The following FREM1 variants were observed in gnomAD, a reference collection of about 807,000 sequenced individuals.
The protein encoded by FREM1 is FRAS1-related extracellular matrix protein 1.
Under a neutral mutation model 210.1 loss-of-function variants are expected in FREM1, and 220 were observed. The ratio of observed to expected loss-of-function variants is 1.05; its 90% confidence interval spans 0.94 to 1.17. The LOEUF (loss-of-function observed/expected upper bound fraction) is 1.17. Ranked by LOEUF, FREM1 falls within the 50% of genes most tolerant of loss-of-function variation. The pLI is 0.00. For missense variants in FREM1, 3,454 were observed against 2,675.5 expected (o/e 1.29, Z -6.42); for synonymous variants, 1,189 against 980.2 (o/e 1.21, Z -3.98).
chr9:14,867,230 C>T (rs1831694939), intron 2 of FREM1, among the ~76,000 whole-genome samples: 1 of 152,146 alleles, frequency 6.6e-6, no homozygotes, highest in Non-Finnish European at 1.5e-5. Context: ...ATTTGTATTG[C>T]TTCCTCATCC....
At chr9:14,903,851 G>A (rs958312270) in intron 1 of FREM1, among the ~76,000 whole-genome samples, 7 of 152,160 alleles carry the variant, frequency 4.6e-5, no homozygotes, top group African/African-American at 1.7e-4. Context: ...GCCGGGTGCG[G>A]TGGCTCAAGC....
intron 24 of FREM1, among the ~76,000 whole-genome samples, chr9:14,780,594 A>G (rs1849508746): frequency 6.6e-6 from 1 of 152,154 alleles, no homozygotes; most frequent in African/African-American, 2.4e-5. Flanking sequence ...AGCAGCACCA[A>G]ACAATGCAGG....
Position 14,805,110 on chromosome 9 carries a change from T to G in FREM1, c.3317A>C (p.Tyr1106Ser). 2 of 1,600,708 alleles carry G rather than the reference T, an allele frequency of 1.2e-6. No homozygotes were observed. Among genetic ancestry groups the G allele is most frequent in the Non-Finnish European group, 1.7e-6 (2 of 1,171,704 alleles). The change falls in exon 19 of 37, where the codon TAT becomes TCT. Residue 1106 changes from tyrosine to serine, a missense_variant. Tyr to Ser is a moderately radical substitution (Grantham distance 144, BLOSUM62 -2). Coordinates refer to ENST00000380880, the MANE Select transcript of FREM1 (RefSeq NM_001379081.2). ...WKDMNAFHINYVQSRHLRIEP... is the reference protein window; with the variant it reads ...WKDMNAFHINSVQSRHLRIEP... ...TATCCTCAGATGCCTGGACTGCACATAGTTAATGTGAAAAGCGTTCATGTC... is the reference window on the plus strand; with the variant it reads ...TATCCTCAGATGCCTGGACTGCACAGAGTTAATGTGAAAAGCGTTCATGTC...
Position 14,824,967 on chromosome 9 carries a change from A to G in FREM1, c.1907T>C (p.Val636Ala). ...AGCCTCTTTTGGAAGCTGGTCATCC[A>G]CTGGAGTTATATGGATTGTTGCCAC... ...PQVATIHITP[V>A]DDQLPKEAPG... Residue 636 changes from valine to alanine, a missense_variant, in exon 11 of 37, where the codon GTG becomes GCG. Coordinates refer to ENST00000380880, the MANE Select transcript of FREM1 (RefSeq NM_001379081.2). 6.2e-7 allele frequency: 1 copy of G among 1,600,580 alleles called. No individual in the cohort carries two copies.
chr9:14,866,849 CAG>C (rs1372476965), intron 2 of FREM1, among the ~76,000 whole-genome samples: 5 of 151,960 alleles, frequency 3.3e-5, no homozygotes, highest in African/African-American at 1.2e-4. Flanking sequence ...CAAAACTCTA[CAG>C]GCTGCATTTT....
intron 3 of FREM1, among the ~76,000 whole-genome samples, chr9:14,859,718 C>T (rs774536615): frequency 3.3e-5 from 5 of 152,172 alleles, no homozygotes; most frequent in Non-Finnish European, 5.9e-5. Flanking sequence ...TCTTTCAACA[C>T]CTGCTCTCAA....
chr9:14,900,888 C>A (rs2132598464), intron 1 of FREM1, among the ~76,000 whole-genome samples: 1 of 152,278 alleles, frequency 6.6e-6, no homozygotes, highest in South Asian at 2.1e-4. Flanking sequence ...CTTGCACATC[C>A]CTTCCCCAAC....
intron 32 of FREM1, 21 bp from the exon 33 acceptor site, chr9:14,747,449 A>G (rs775819869): frequency 6.2e-7 from 1 of 1,606,404 alleles, no homozygotes; most frequent in South Asian, 1.1e-5. Flanking sequence ...CCAACAATCA[A>G]CAACAATAAG....
At position 14,863,878 on chromosome 9, in the gene FREM1, T is replaced by G. The variant is rs373769187; in HGVS notation, c.260A>C (p.Asn87Thr). The G allele has an allele frequency of 6.2e-7, 1 of 1,612,306 alleles. No homozygotes were observed. Among genetic ancestry groups the G allele is most frequent in the Non-Finnish European group, 8.5e-7 (1 of 1,178,408 alleles). Residue 87 changes from asparagine to threonine, a missense_variant, in exon 3 of 37, where the codon AAC becomes ACC. Asn to Thr is a moderately conservative substitution (Grantham distance 65, BLOSUM62 0). Coordinates refer to ENST00000380880, the MANE Select transcript of FREM1 (RefSeq NM_001379081.2). ...ACCATTGTGAACATACTTGACTTCG[T>G]TGGGAAGGAAATGGCAGTCAAAGAC... ...PQVFDCHFLP[N>T]EVKYVHNGCP...
intron 11 of FREM1, among the ~76,000 whole-genome samples, chr9:14,824,465 A>G (rs979969278): frequency 1.3e-5 from 2 of 152,240 alleles, no homozygotes; most frequent in African/African-American, 4.8e-5. Context: ...ATTTCATGGC[A>G]GTAATATGCA....
At chr9:14,866,608 G>C (rs868388479) in intron 2 of FREM1, among the ~76,000 whole-genome samples, 1 of 152,152 alleles carries the variant, frequency 6.6e-6, no homozygotes, top group Non-Finnish European at 1.5e-5. Context: ...TAGACAGCTT[G>C]CTCCTGCGAG....
intron 24 of FREM1, chr9:14,782,445 C>G: frequency 1.9e-6 from 1 of 529,250 alleles, no homozygotes. Context: ...TCAAGACAGT[C>G]ACTAATGTCT....
chr9:14,877,497 A>T (rs1183078371), intron 1 of FREM1, among the ~76,000 whole-genome samples: 1 of 149,940 alleles, frequency 6.7e-6, no homozygotes, highest in African/African-American at 2.5e-5. Context: ...GTCTCCTAGT[A>T]TCCAAAAGTT....
At chr9:14,876,698 A>G (rs1833822242) in intron 1 of FREM1, among the ~76,000 whole-genome samples, 1 of 152,184 alleles carries the variant, frequency 6.6e-6, no homozygotes, top group South Asian at 2.1e-4. Flanking sequence ...TCCTGCGCCC[A>G]CTGTCTGGCA....
intron 27 of FREM1, among the ~76,000 whole-genome samples, chr9:14,768,098 A>G (rs900642516): frequency 2.0e-5 from 3 of 152,202 alleles, no homozygotes; most frequent in African/African-American, 7.2e-5. Flanking sequence ...TGATAGTGAC[A>G]AAGATTGAAA....
At chr9:14,795,313 AAAC>A (rs1330823965) in intron 21 of FREM1, among the ~76,000 whole-genome samples, 8 of 152,210 alleles carry the variant, frequency 5.3e-5, no homozygotes, top group Non-Finnish European at 7.4e-5. Flanking sequence ...GAGAGAAGTT[AAAC>A]AACATGTTCA....
intron 1 of FREM1, among the ~76,000 whole-genome samples, chr9:14,886,470 G>A (rs1835841705): frequency 6.6e-6 from 1 of 151,426 alleles, no homozygotes; most frequent in South Asian, 2.1e-4. Context: ...AGCCACTTCA[G>A]GATGAACCCA....
intron 1 of FREM1, among the ~76,000 whole-genome samples, chr9:14,869,488 C>A (rs984900561): frequency 6.6e-6 from 1 of 152,242 alleles, no homozygotes; most frequent in African/African-American, 2.4e-5. Flanking sequence ...CATATCCCAA[C>A]CGGGATGTCA....
intron 30 of FREM1, among the ~76,000 whole-genome samples, chr9:14,749,717 C>G (rs1431575041): frequency 6.6e-6 from 1 of 152,172 alleles, no homozygotes; most frequent in Non-Finnish European, 1.5e-5. Context: ...TCTCCAATTC[C>G]TTCCTCTCTT....
Sources: gnomAD v4.1 joint callset for allele counts (sites outside exome capture counted in the v4.1 genomes callset) on GRCh38, gnomAD v4.1.1 for gene constraint, MANE v1.5 for transcripts, NCBI Gene and HGNC (gene_info 2026-07-23, HGNC 2026-07-21) for gene names.